OR2L13: variants seen among roughly 807,000 people sequenced by gnomAD.
OR2L13 encodes the protein olfactory receptor family 2 subfamily L member 13.
Under a neutral mutation model 15.3 loss-of-function variants are expected in OR2L13, and 14 were observed. That is an observed-to-expected ratio of 0.91 (90% CI 0.60 to 1.43). OR2L13 has a LOEUF of 1.43. Among genes scored for constraint, OR2L13 ranks in the 40% most tolerant of loss-of-function variants. OR2L13 has a pLI of 0.00. For synonymous variants in OR2L13, 152 were observed against 142.9 expected, an observed-to-expected ratio of 1.06 and a Z score of -0.45; for missense variants, 367 against 387.9, an observed-to-expected ratio of 0.95 and a Z score of 0.45.
At chr1:248,090,860 A>C (rs1387326041), upstream of OR2L13, among the ~76,000 whole-genome samples, 2 of 152,202 alleles carry the variant, frequency 1.3e-5, no homozygotes, top group Non-Finnish European at 2.9e-5. Flanking sequence ...AGAAATCACA[A>C]AGCTGCTTTC....
chr1:248,070,985 T>G, the OR2L13 span, among the ~76,000 whole-genome samples: 2 of 152,160 alleles, frequency 1.3e-5, no homozygotes, highest in Non-Finnish European at 2.9e-5. Flanking sequence ...CAATAATCAA[T>G]AGCTTACCAA....
chr1:248,075,393 G>A, the OR2L13 span, among the ~76,000 whole-genome samples: 6 of 152,172 alleles, frequency 3.9e-5, no homozygotes, highest in Non-Finnish European at 7.3e-5. Flanking sequence ...GGGTCAAATG[G>A]TTATTCTAGT....
chr1:248,022,497 T>G, the OR2L13 span: 1 of 1,614,240 alleles, frequency 6.2e-7, no homozygotes, highest in Non-Finnish European at 8.5e-7. Context: ...TCCAGCTATG[T>G]TGACATTAGC....
At chr1:248,003,124 A>C in the OR2L13 span, 1 of 1,246,806 alleles carries the variant, frequency 8.0e-7, no homozygotes, top group Non-Finnish European at 1.2e-6. Context: ...GATTGTAGGA[A>C]TGCCCCATGG....
At chr1:247,964,955 T>C in the OR2L13 span, among the ~76,000 whole-genome samples, 3 of 149,516 alleles carry the variant, frequency 2.0e-5, no homozygotes, top group South Asian at 2.1e-4. Flanking sequence ...AATATACTTG[T>C]CTTTAAAAGA....
chr1:247,949,524 G>T, the OR2L13 span: 1 of 1,613,864 alleles, frequency 6.2e-7, no homozygotes, highest in Non-Finnish European at 8.5e-7. Context: ...GGTTCTCTTT[G>T]CTGTCTACCA....
chr1:248,040,686 A>G, the OR2L13 span: 120 of 152,328 alleles, frequency 7.9e-4, no homozygotes, highest in African/African-American at 2.8e-3. Context: ...TATAAGATAC[A>G]AAGTTGTGTT....
At chr1:248,069,038 G>A in the OR2L13 span, among the ~76,000 whole-genome samples, 2 of 152,170 alleles carry the variant, frequency 1.3e-5, no homozygotes, top group African/African-American at 4.8e-5. Flanking sequence ...GAACCAAGTT[G>A]CAAAACACTC....
the OR2L13 span, chr1:248,038,286 A>G: frequency 6.2e-7 from 1 of 1,609,736 alleles, no homozygotes; most frequent in Non-Finnish European, 8.5e-7. Flanking sequence ...TTACAATCAA[A>G]CATCAACTGA....
chr1:248,038,872 G>C, the OR2L13 span: 5,056 of 1,614,134 alleles, frequency 3.1e-3, 107 homozygotes, highest in African/African-American at 0.057. Flanking sequence ...TTTTTGAGCA[G>C]CACCATCTTT....
chr1:247,978,079 A>G, the OR2L13 span, among the ~76,000 whole-genome samples: 1 of 152,146 alleles, frequency 6.6e-6, no homozygotes, highest in Non-Finnish European at 1.5e-5. Flanking sequence ...TTTGTGTCTT[A>G]CAAGAGGATT....
chr1:248,022,816 G>A, the OR2L13 span: 44 of 1,613,144 alleles, frequency 2.7e-5, no homozygotes, highest in Non-Finnish European at 3.7e-5. Flanking sequence ...ATCATCTACA[G>A]CCTGAGAAAC....
the OR2L13 span, chr1:248,022,856 G>A: frequency 6.2e-7 from 1 of 1,610,692 alleles, no homozygotes; most frequent in African/African-American, 1.3e-5. Context: ...TGACACGAGT[G>A]ATTCAGAATA....
At chr1:247,970,877 CAGG>C in the OR2L13 span, among the ~76,000 whole-genome samples, 3 of 152,144 alleles carry the variant, frequency 2.0e-5, no homozygotes, top group African/African-American at 7.2e-5. Context: ...TTCATGCATG[CAGG>C]AGGAGACAGG....
chr1:247,990,991 A>G, the OR2L13 span: 86 of 1,512,454 alleles, frequency 5.7e-5, 1 homozygote, highest in African/African-American at 9.2e-4. Context: ...GACCTGCAGC[A>G]CCCACCTCAC....
At chr1:248,033,434 T>C in the OR2L13 span, among the ~76,000 whole-genome samples, 1 of 151,904 alleles carries the variant, frequency 6.6e-6, no homozygotes, top group South Asian at 2.1e-4. Flanking sequence ...TTCTTCTTCT[T>C]CTTCTCCTTC....
the OR2L13 span, among the ~76,000 whole-genome samples, chr1:247,940,729 T>TGC: frequency 4.2e-5 from 2 of 48,102 alleles, no homozygotes; most frequent in East Asian, 1.4e-3. Flanking sequence ...TGTGCATACG[T>TGC]GCGTGTGTGT....
At chr1:247,992,094 A>G in the OR2L13 span, among the ~76,000 whole-genome samples, 7 of 148,932 alleles carry the variant, frequency 4.7e-5, 2 homozygotes, top group Admixed American at 1.3e-4. Context: ...AGCAAGACCA[A>G]CCTCTCCTCC....
chr1:247,954,623 T>TC, the OR2L13 span, among the ~76,000 whole-genome samples: 2 of 151,886 alleles, frequency 1.3e-5, no homozygotes, highest in East Asian at 3.9e-4. Flanking sequence ...GTCTTTTCTT[T>TC]TTTTTTGATT....
Sources: allele counts gnomAD v4.1 joint callset (sites outside exome capture counted in the v4.1 genomes callset), GRCh38; gene constraint gnomAD v4.1.1; transcripts MANE v1.5; gene names NCBI Gene and HGNC (gene_info 2026-07-23, HGNC 2026-07-21).